The following CEP112 variants were observed in gnomAD, a reference collection of about 807,000 sequenced individuals.
CEP112 encodes centrosomal protein of 112 kDa.
In CEP112, 127 loss-of-function variants were observed where a neutral mutation model predicts 153.0. The observed-to-expected ratio is 0.83, with a 90% CI of 0.72 to 0.96. CEP112 has a LOEUF of 0.96. CEP112 is among the 40% of genes least tolerant of loss of function. The pLI, the probability that CEP112 is intolerant of heterozygous loss-of-function variation, is 0.00. For synonymous variants in CEP112, 358 were observed against 374.4 expected (o/e 0.96, Z 0.51); for missense variants, 1,089 against 1,101.2 (o/e 0.99, Z 0.16).
intron 10 of CEP112, among the ~76,000 whole-genome samples, chr17:66,065,496 A>G (rs1197925785): frequency 3.9e-5 from 6 of 152,196 alleles, no homozygotes; most frequent in Admixed American, 6.5e-5. Context: ...ATGAGGTCCT[A>G]AAACTCACAT....
intron 20 of CEP112, among the ~76,000 whole-genome samples, chr17:65,892,717 G>A (rs2059513948): frequency 6.6e-6 from 1 of 152,096 alleles, no homozygotes. Flanking sequence ...TGGATAAGCA[G>A]TAATTGGTGG....
intron 17 of CEP112, among the ~76,000 whole-genome samples, chr17:65,978,928 A>C (rs1312380252): frequency 6.6e-6 from 1 of 152,228 alleles, no homozygotes; most frequent in East Asian, 1.9e-4. Context: ...CATATCTACA[A>C]AGAAATACTT....
At chr17:66,005,365 G>A (rs1861749) in intron 17 of CEP112, among the ~76,000 whole-genome samples, 84,321 of 151,922 alleles carry the variant, frequency 0.56, 24,365 homozygotes, top group African/African-American at 0.62. Context: ...CAAAATCTAC[G>A]GAGGAATTTC....
intron 8 of CEP112, among the ~76,000 whole-genome samples, chr17:66,073,502 G>A (rs2067375008): frequency 6.6e-6 from 1 of 152,204 alleles, no homozygotes; most frequent in Non-Finnish European, 1.5e-5. Context: ...AAACATTACT[G>A]CTACAAAGTA....
intron 21 of CEP112, among the ~76,000 whole-genome samples, chr17:65,766,648 C>T (rs565011522): frequency 5.2e-4 from 78 of 151,150 alleles, no homozygotes; most frequent in Admixed American, 2.2e-3. Flanking sequence ...CCACATTAGC[C>T]TTAAGGATAT....
chr17:65,813,353 A>G lies in CEP112; in HGVS notation c.2394+38451T>C, dbSNP rs533313103. Among the ~76,000 whole-genome samples the G allele has an allele frequency of 1.4e-4, 22 of 152,320 alleles. No individual in the cohort carries two copies. In the Middle Eastern group the frequency reaches 0.01, roughly 71 times the overall value. On this transcript the variant is annotated intron_variant, in intron 21 of 26. Transcript: ENST00000535342. ...GACTTGTGAACAAAAGGTGTGGGCA[A>G]TGAGGAATTAGGAACCCAATCAGAG...
At chr17:65,687,148 T>C (rs371278448) in intron 24 of CEP112, among the ~76,000 whole-genome samples, 17 of 148,706 alleles carry the variant, frequency 1.1e-4, no homozygotes, top group East Asian at 8.0e-4. Flanking sequence ...TGATAAGGTA[T>C]AGTTATTATT....
chr17:65,915,610 C>T (rs1289300593), intron 19 of CEP112, among the ~76,000 whole-genome samples: 1 of 151,858 alleles, frequency 6.6e-6, no homozygotes, highest in Non-Finnish European at 1.5e-5. Context: ...ATAGTGAAAC[C>T]CTGTCTCTGC....
At chr17:65,885,193 ATTT>A (rs1264163712) in intron 20 of CEP112, among the ~76,000 whole-genome samples, 2 of 152,054 alleles carry the variant, frequency 1.3e-5, no homozygotes, top group Non-Finnish European at 2.9e-5. Flanking sequence ...TCTTGAGAAA[ATTT>A]TCTAATGGAT....
At chr17:65,729,315 T>G (rs529613866) in intron 23 of CEP112, among the ~76,000 whole-genome samples, 3 of 152,324 alleles carry the variant, frequency 2.0e-5, no homozygotes, top group East Asian at 3.9e-4. Flanking sequence ...CCATCATCTA[T>G]GTAGTCCATC....
chr17:66,160,610 T>C lies in CEP112; in HGVS notation c.470+14434A>G, dbSNP rs770825127. Among the ~76,000 whole-genome samples the C allele has an allele frequency of 1.8e-4, 27 of 152,272 alleles. No individual in the cohort carries two copies. The South Asian group carries it at 1.9e-3, about 11-fold the overall frequency. Reference sequence around the variant, plus strand: ...AATGGGGAAAGGATTTCCTATTAAATGGTGTTGGGAAAACTGGCTAGCCAT... The same window carrying C: ...AATGGGGAAAGGATTTCCTATTAAACGGTGTTGGGAAAACTGGCTAGCCAT... On this transcript the variant is annotated intron_variant, in intron 4 of 26. Coordinates refer to ENST00000535342, the MANE Select transcript of CEP112 (RefSeq NM_001199165.4).
At chr17:65,756,065 G>A (rs896411796) in intron 21 of CEP112, among the ~76,000 whole-genome samples, 3 of 152,108 alleles carry the variant, frequency 2.0e-5, no homozygotes, top group Admixed American at 2.0e-4. Context: ...CAAATGTTAG[G>A]AGGCTGGGAC....
At chr17:65,664,856 T>A (rs2046611049) in intron 24 of CEP112, among the ~76,000 whole-genome samples, 2 of 152,184 alleles carry the variant, frequency 1.3e-5, no homozygotes, top group African/African-American at 4.8e-5. Flanking sequence ...CAAACATTTA[T>A]TCCTCATAGT....
chr17:65,816,174 A>G (rs1259482340), intron 21 of CEP112, among the ~76,000 whole-genome samples: 3 of 151,260 alleles, frequency 2.0e-5, no homozygotes, highest in Non-Finnish European at 3.0e-5. Context: ...TTTTTGCTGA[A>G]ATATAAATCA....
intron 23 of CEP112, among the ~76,000 whole-genome samples, chr17:65,714,097 C>T (rs1167954846): frequency 6.6e-6 from 1 of 152,144 alleles, no homozygotes; most frequent in Non-Finnish European, 1.5e-5. Context: ...CCTCTACCTT[C>T]CCCTCTTCAA....
chr17:65,719,074 G>C (rs1235560949), intron 23 of CEP112, among the ~76,000 whole-genome samples: 3 of 152,242 alleles, frequency 2.0e-5, no homozygotes, highest in Non-Finnish European at 2.9e-5. Context: ...AAGAAAGAAA[G>C]TGCTTTCTGA....
intron 20 of CEP112, among the ~76,000 whole-genome samples, chr17:65,858,139 T>A (rs1282613020): frequency 6.6e-6 from 1 of 152,200 alleles, no homozygotes. Flanking sequence ...TATGTGTGTG[T>A]TCATGAGTGA....
At chr17:65,871,621 C>T (rs777563362) in intron 20 of CEP112, among the ~76,000 whole-genome samples, 1 of 151,876 alleles carries the variant, frequency 6.6e-6, no homozygotes, top group Non-Finnish European at 1.5e-5. Context: ...GGTGACAGAG[C>T]GAGACTCCGT....
intron 4 of CEP112, among the ~76,000 whole-genome samples, chr17:66,173,002 T>C (rs2072309524): frequency 6.6e-6 from 1 of 152,126 alleles, no homozygotes; most frequent in African/African-American, 2.4e-5. Flanking sequence ...CAAGCTAACC[T>C]CCTGCTCCCA....
Sources: allele counts gnomAD v4.1 joint callset (sites outside exome capture counted in the v4.1 genomes callset), GRCh38; gene constraint gnomAD v4.1.1; transcripts MANE v1.5; gene names NCBI Gene and HGNC (gene_info 2026-07-23, HGNC 2026-07-21).